Variants in NDUFA10 observed in about 807,000 individuals in gnomAD.
NDUFA10 encodes NADH dehydrogenase [ubiquinone] 1 alpha subcomplex subunit 10, mitochondrial.
NDUFA10 carries 40 observed loss-of-function variants against 47.8 expected under a neutral mutation model. That is an observed-to-expected ratio of 0.84 (90% CI 0.65 to 1.09). The LOEUF is 1.09. NDUFA10 is among the 50% of genes least tolerant of loss of function. The probability of loss-of-function intolerance (pLI) is 0.00; values close to 1 mark genes in which losing one functional copy is unlikely to be tolerated. For synonymous variants in NDUFA10, 183 were observed against 172.2 expected (o/e 1.06, Z -0.49); for missense variants, 413 against 451.1 (o/e 0.92, Z 0.76).
Position 239,952,308 on chromosome 2 carries a change from C to T in NDUFA10, c.294+37766G>A, listed in dbSNP as rs1293026810. Among the ~76,000 whole-genome samples the T allele has an allele frequency of 1.5e-4, 22 of 151,428 alleles. No homozygotes were observed. In the East Asian group the frequency reaches 3.9e-3, roughly 27 times the overall value. On this transcript the variant is annotated intron_variant, in intron 4 of 5. Transcript: ENST00000419408. Reference sequence around the variant, plus strand: ...TCTGAAGGCAGAGTGGGGAGGGGGGCCCAGGAGAAAGGAGCAGACCTCCTG... The same window carrying T: ...TCTGAAGGCAGAGTGGGGAGGGGGGTCCAGGAGAAAGGAGCAGACCTCCTG...
At position 240,018,554 on chromosome 2, in the gene NDUFA10, C is replaced by T. The variant is rs772467609; in HGVS notation, c.546G>A (p.Gln182=). 6 of 1,614,228 alleles carry T rather than the reference C, an allele frequency of 3.7e-6. No homozygotes were observed. The highest frequency in any genetic ancestry group is 5.1e-6 in the Non-Finnish European group (6 of 1,180,040). The stretch of plus-strand genomic sequence containing the variant: ...AGTGGGTCTGCAATGCTGACTCACA[C>T]TGCTTTCGGATGAATCCCTGGTTGT... ...AMYNQGFIRK[Q]CVDHYNEVKS... is the part of the protein sequence containing the mutation. Residue 182 remains glutamine, a splice_region_variant and synonymous_variant, in exon 4 of 10, where the codon CAG becomes CAA. Transcript: ENST00000252711.
intron 4 of NDUFA10, among the ~76,000 whole-genome samples, chr2:239,924,667 TAC>T (rs1328148431): frequency 6.6e-6 from 1 of 152,132 alleles, no homozygotes; most frequent in African/African-American, 2.4e-5. Context: ...TGTCTACTAT[TAC>T]CACTCCTATT....
chr2:240,004,137 A>T (rs1302962710), intron 8 of NDUFA10, among the ~76,000 whole-genome samples: 1 of 152,018 alleles, frequency 6.6e-6, no homozygotes, highest in Non-Finnish European at 1.5e-5. Context: ...GAGGAGTGAG[A>T]GAGTGGGGGA....
At chr2:239,979,711 G>A (rs79978221) in intron 9 of NDUFA10, among the ~76,000 whole-genome samples, 2,959 of 151,998 alleles carry the variant, frequency 0.019, 71 homozygotes, top group African/African-American at 0.058. Flanking sequence ...GTTGATACTC[G>A]ACGTGGCAAG....
chr2:239,896,064 G>T (rs1414057262), intron 4 of NDUFA10, among the ~76,000 whole-genome samples: 10 of 152,178 alleles, frequency 6.6e-5, no homozygotes, highest in Non-Finnish European at 1.5e-4. Flanking sequence ...GTGGACTCAT[G>T]TGGAAGGTGT....
rs1694750784 is a variant in NDUFA10 at position 239,959,300 on chromosome 2, G to A, written c.*1818C>T. 6 of 985,446 alleles carry A rather than the reference G, an allele frequency of 6.1e-6. No individual in the cohort carries two copies. The highest frequency in any genetic ancestry group is 7.2e-6 in the Non-Finnish European group (6 of 829,944). 61.0% of individuals were successfully genotyped at this position (985,446 alleles called of 1,614,324 possible). A position where few individuals can be genotyped will look rare whatever the true frequency, so the allele number is the denominator to read the frequency against. On this transcript the variant is annotated 3_prime_UTR_variant, in exon 10 of 10. Transcript: ENST00000252711. Reference sequence around the variant, plus strand: ...CTCACAAGGGCAATCCTGACCACAGGGCAGACCTGCCCTCTCACTGCTGAG... The same window carrying A: ...CTCACAAGGGCAATCCTGACCACAGAGCAGACCTGCCCTCTCACTGCTGAG...
chr2:239,989,039 G>A (rs892687775), intron 9 of NDUFA10, among the ~76,000 whole-genome samples: 6 of 145,686 alleles, frequency 4.1e-5, no homozygotes, highest in Non-Finnish European at 9.0e-5. Flanking sequence ...AACAGCACGC[G>A]CACTCACACA....
intron 5 of NDUFA10, 162 bp from the exon 6 acceptor site, chr2:240,011,858 G>A: frequency 1.5e-6 from 1 of 684,492 alleles, no homozygotes; most frequent in Non-Finnish European, 2.6e-6. Flanking sequence ...CCCAACATCA[G>A]CTAGAGTCAT....
chr2:240,021,903 T>G (rs865869734), intron 2 of NDUFA10, among the ~76,000 whole-genome samples: 1 of 152,234 alleles, frequency 6.6e-6, no homozygotes. Context: ...GGAAGTGCCC[T>G]GCTTACACTG....
intron 8 of NDUFA10, among the ~76,000 whole-genome samples, chr2:239,992,364 A>C (rs1026172557): frequency 6.6e-6 from 1 of 152,248 alleles, no homozygotes; most frequent in African/African-American, 2.4e-5. Flanking sequence ...CAGAAAAAAG[A>C]ATAAAATTGT....
At position 239,896,174 on chromosome 2, in the gene NDUFA10, G is replaced by A. The variant is rs113314596; in HGVS notation, c.295-860C>T. ...CATCCTAGGGTCACTGGAATTCTGT[G>A]CTCACTGTGTCACCAATGCCGCGTG... is the stretch of plus-strand genomic sequence containing the variant. On this transcript the variant is annotated intron_variant, in intron 4 of 5. Transcript: ENST00000419408. 1.8e-3 allele frequency among the ~76,000 whole-genome samples: 268 copies of A among 152,318 alleles called. 1 individual carries two copies. Among genetic ancestry groups the A allele is most frequent in the African/African-American group, 6.3e-3 (261 of 41,574 alleles).
At chr2:240,005,406 T>A in intron 7 of NDUFA10, 111 bp from the exon 8 acceptor site, 1 of 847,710 alleles carries the variant, frequency 1.2e-6, no homozygotes. Flanking sequence ...TGGAAAGTAG[T>A]GGCACAATCA....
intron 8 of NDUFA10, among the ~76,000 whole-genome samples, chr2:239,995,027 CA>C (rs1250575218): frequency 6.6e-6 from 1 of 152,192 alleles, no homozygotes; most frequent in African/African-American, 2.4e-5. Context: ...GTAATCTCAG[CA>C]CTTTGGGAGG....
intron 4 of NDUFA10, among the ~76,000 whole-genome samples, chr2:239,948,427 C>T (rs1251957959): frequency 6.6e-6 from 1 of 152,222 alleles, no homozygotes; most frequent in Non-Finnish European, 1.5e-5. Context: ...CCATGAGTGG[C>T]GACGGAAAAG....
At chr2:240,002,041 A>G (rs1559377891) in intron 8 of NDUFA10, among the ~76,000 whole-genome samples, 1 of 152,152 alleles carries the variant, frequency 6.6e-6, no homozygotes, top group Admixed American at 6.5e-5. Context: ...GCTCAGAAAG[A>G]CAAGGAAGGC....
At chr2:239,902,600 C>T (rs1337926874) in intron 4 of NDUFA10, among the ~76,000 whole-genome samples, 1 of 152,172 alleles carries the variant, frequency 6.6e-6, no homozygotes, top group South Asian at 2.1e-4. Context: ...CCGCAATACC[C>T]CAAAGGTATG....
chr2:239,966,809 T>C (rs533007195), intron 9 of NDUFA10, among the ~76,000 whole-genome samples: 1 of 150,636 alleles, frequency 6.6e-6, no homozygotes, highest in African/African-American at 2.4e-5. Context: ...AGAAGGAACA[T>C]CTCTCATCTT....
intron 4 of NDUFA10, among the ~76,000 whole-genome samples, chr2:239,942,054 G>A (rs1446604390): frequency 2.0e-5 from 3 of 152,256 alleles, no homozygotes; most frequent in Non-Finnish European, 4.4e-5. Flanking sequence ...CACACCATGT[G>A]TGCACAAACT....
At chr2:239,942,598 C>A (rs1694376766) in intron 4 of NDUFA10, among the ~76,000 whole-genome samples, 1 of 152,106 alleles carries the variant, frequency 6.6e-6, no homozygotes, top group African/African-American at 2.4e-5. Flanking sequence ...TCAAACTGTT[C>A]TCTTAGGCAA....
Sources: allele counts gnomAD v4.1 joint callset (sites outside exome capture counted in the v4.1 genomes callset), GRCh38; gene constraint gnomAD v4.1.1; transcripts MANE v1.5; gene names NCBI Gene and HGNC (gene_info 2026-07-23, HGNC 2026-07-21).